Variants in CACNA1A observed in about 807,000 individuals in gnomAD.
CACNA1A encodes calcium voltage-gated channel subunit alpha1 A.
CACNA1A carries 57 observed loss-of-function variants against 262.4 expected under a neutral mutation model. That is an observed-to-expected ratio of 0.22 (90% CI 0.18 to 0.27). The LOEUF is 0.27. Ranked by LOEUF, CACNA1A falls within the 10% of genes least tolerant of loss-of-function variation. The pLI is 1.00. For synonymous variants in CACNA1A, 1,431 were observed against 1,419.3 expected (o/e 1.01, Z -0.18); for missense variants, 2,526 against 3,562.8 (o/e 0.71, Z 7.41).
At chr19:13,323,122 G>A (rs1279194065) in intron 10 of CACNA1A, among the ~76,000 whole-genome samples, 1 of 152,132 alleles carries the variant, frequency 6.6e-6, no homozygotes, top group African/African-American at 2.4e-5. Context: ...AGCTGGGCAT[G>A]GTGGCGTGTG....
chr19:13,211,750 G>T, intron 43 of CACNA1A: 1 of 285,246 alleles, frequency 3.5e-6, no homozygotes, highest in Non-Finnish European at 6.8e-6. Flanking sequence ...TGATCTTCGT[G>T]GCAGGTCTCA....
chr19:13,461,340 A>AAAAAC (rs59561044), intron 1 of CACNA1A, among the ~76,000 whole-genome samples: 27,941 of 148,030 alleles, frequency 0.19, 2,988 homozygotes, highest in South Asian at 0.32. Flanking sequence ...ACTCCGTCTC[A>AAAAAC]AAAACAAAAC....
At position 13,259,714 on chromosome 19, in the gene CACNA1A, G is replaced by A; in HGVS notation, c.4251-13C>T. 6.2e-7 allele frequency: 1 copy of A among 1,610,502 alleles called. No individual in the cohort carries two copies. The highest frequency in any genetic ancestry group is 8.5e-7 in the Non-Finnish European group (1 of 1,178,370). Reference sequence around the variant, plus strand: ...GAGGTATTTGCCTCTGCCACAGAGAGTGGGGACTGTTAGTAAATGGGAAAG... The same window carrying A: ...GAGGTATTTGCCTCTGCCACAGAGAATGGGGACTGTTAGTAAATGGGAAAG... On this transcript the variant is annotated splice_polypyrimidine_tract_variant and intron_variant, in intron 26 of 46. Coordinates refer to ENST00000360228, the MANE Select transcript of CACNA1A (RefSeq NM_001127222.2).
In CACNA1A at chr19:13,371,434, C is replaced by G. The variant is rs1487380904; in HGVS notation, c.631+254G>C. 5 of 480,758 alleles carry G rather than the reference C, an allele frequency of 1.0e-5. No homozygotes were observed. In the South Asian group the frequency reaches 1.6e-4, roughly 16 times the overall value. The allele number at this position is 480,758 out of a possible 1,614,324, so 29.8% of individuals were successfully genotyped here. ...GCTGTGAGTACTGAATGAGATCACA[C>G]GTGGTGCTTAGCATGGCTCCCGATA... On this transcript the variant is annotated intron_variant, in intron 4 of 46. Coordinates refer to ENST00000360228, the MANE Select transcript of CACNA1A (RefSeq NM_001127222.2).
At chr19:13,347,660 G>A (rs951924033) in intron 6 of CACNA1A, among the ~76,000 whole-genome samples, 2 of 152,176 alleles carry the variant, frequency 1.3e-5, no homozygotes, top group Non-Finnish European at 2.9e-5. Context: ...TTTAATGTCT[G>A]CTGTCTGCCC....
At chr19:13,474,446 A>G (rs1342105803) in intron 1 of CACNA1A, among the ~76,000 whole-genome samples, 3 of 152,176 alleles carry the variant, frequency 2.0e-5, no homozygotes, top group Non-Finnish European at 2.9e-5. Context: ...CTGATTATAA[A>G]CTCCCTGGTG....
In CACNA1A at chr19:13,455,111, C is replaced by T. The variant is rs764554276; in HGVS notation, c.395G>A (p.Arg132Gln). The T allele has an allele frequency of 6.9e-6, 11 of 1,595,698 alleles. No individual in the cohort carries two copies. The highest frequency in any genetic ancestry group is 2.2e-5 in the South Asian group (2 of 90,566). Residue 132 changes from arginine to glutamine, a missense_variant, in exon 2 of 47, where the codon CGG becomes CAG. Arg to Gln is a conservative substitution (Grantham distance 43). This residue lies in a region of CACNA1A where 77 missense variants were observed against 228.4 expected (regional missense o/e 0.34). Transcript: ENST00000360228. ...PDDDKTPMSERLDDTEPYFIG... is the reference protein window; with the variant it reads ...PDDDKTPMSEQLDDTEPYFIG... ...CTGAGAAAAGACATCACTCACCAGC[C>T]GTTCAGACATCGGGGTCTTGTCATC...
At chr19:13,344,160 G>A (rs1011066977) in intron 6 of CACNA1A, among the ~76,000 whole-genome samples, 1 of 147,022 alleles carries the variant, frequency 6.8e-6, no homozygotes, top group African/African-American at 2.5e-5. Context: ...GTTGCAGTGA[G>A]TCAAGATCAT....
intron 1 of CACNA1A, among the ~76,000 whole-genome samples, chr19:13,465,112 G>A (rs2145000515): frequency 6.6e-6 from 1 of 151,602 alleles, no homozygotes; most frequent in Middle Eastern, 3.4e-3. Context: ...GTATTTTTTA[G>A]TAGAGACATG....
chr19:13,287,858 A>C (rs2057441801), intron 19 of CACNA1A, among the ~76,000 whole-genome samples: 1 of 148,118 alleles, frequency 6.8e-6, no homozygotes, highest in Non-Finnish European at 1.5e-5. Flanking sequence ...GCTGGAGAGC[A>C]GTGGCAGGAT....
At position 13,383,392 on chromosome 19, in the gene CACNA1A, CA is replaced by C. The variant is rs575307268; in HGVS notation, c.540-11614del. ...TGGGGAAGATGGAGGAAGAAGGTTT[CA>C]AAGATCAAGAACTGGGTTGTAGACA... is the stretch of plus-strand genomic sequence containing the variant. On this transcript the variant is annotated intron_variant, in intron 3 of 46. Transcript: ENST00000360228. 7.3e-4 allele frequency among the ~76,000 whole-genome samples: 111 copies of C among 152,236 alleles called. 1 individual carries two copies. Among genetic ancestry groups the C allele is most frequent in the African/African-American group, 2.4e-3 (99 of 41,534 alleles).
Position 13,212,448 on chromosome 19 carries a change from G to C in CACNA1A, c.6125C>G (p.Thr2042Arg), listed in dbSNP as rs563345694. ...TQRAQEMFQKTGTWSPEQGPP... is the reference protein window; with the variant it reads ...TQRAQEMFQKRGTWSPEQGPP... ...GCCTTGTTCCGGACTCCATGTGCCC[G>C]TCTTCTGGAACATCTCCTGGGCACG... The change falls in exon 42 of 47, where the codon ACG becomes AGG. Residue 2042 changes from threonine (T) to arginine (R), a missense_variant. By Grantham distance (71) the Thr-to-Arg change is moderately conservative. Around this residue, in one of 17 missense-constraint regions of CACNA1A, gnomAD observed 929 missense variants for 868.1 expected, o/e 1.07. Coordinates refer to ENST00000360228, the MANE Select transcript of CACNA1A (RefSeq NM_001127222.2). The surrounding 1 kb of genome is among the most constrained non-coding windows in gnomAD (Gnocchi z 5.6). 6.2e-7 allele frequency: 1 copy of C among 1,610,832 alleles called. No homozygotes were observed. The highest frequency in any genetic ancestry group is 1.1e-5 in the South Asian group (1 of 90,488).
At chr19:13,276,900 T>C (rs553556263) in intron 23 of CACNA1A, among the ~76,000 whole-genome samples, 169 bp downstream of exon 23, 24 of 152,000 alleles carry the variant, frequency 1.6e-4, no homozygotes, top group African/African-American at 5.8e-4. Flanking sequence ...TTAGTAGAGA[T>C]GGGGTTTCAC....
intron 10 of CACNA1A, among the ~76,000 whole-genome samples, chr19:13,320,256 G>C (rs1417117901): frequency 6.6e-6 from 1 of 151,812 alleles, no homozygotes; most frequent in Non-Finnish European, 1.5e-5. Context: ...GAGAGAGAGA[G>C]AGAGAGAGAG....
At chr19:13,318,058 G>C (rs2058162831) in intron 10 of CACNA1A, among the ~76,000 whole-genome samples, 1 of 152,212 alleles carries the variant, frequency 6.6e-6, no homozygotes, top group South Asian at 2.1e-4. Context: ...TGGAATGGGA[G>C]GACTGTATGA....
chr19:13,425,935 G>A (rs1167981202), intron 3 of CACNA1A, among the ~76,000 whole-genome samples: 1 of 152,208 alleles, frequency 6.6e-6, no homozygotes, highest in Non-Finnish European at 1.5e-5. Flanking sequence ...GCACACGCCT[G>A]TAATCCCAGC....
In CACNA1A at chr19:13,385,225, TC is replaced by T. The variant is rs1171140778; in HGVS notation, c.540-13447del. 2.4e-4 allele frequency among the ~76,000 whole-genome samples: 35 copies of T among 148,354 alleles called. 1 individual carries two copies. Among genetic ancestry groups the T allele is most frequent in the Admixed American group, 1.9e-3 (28 of 14,988 alleles). On this transcript the variant is annotated intron_variant, in intron 3 of 46. Coordinates refer to ENST00000360228, the MANE Select transcript of CACNA1A (RefSeq NM_001127222.2). ...CGTAGGGCAGATATTTTCTATTCTT[TC>T]TTTCTTTTTTTTTTTTTTTTTGAGA...
chr19:13,233,858 G>A (rs1180644413), intron 34 of CACNA1A, among the ~76,000 whole-genome samples: 3 of 151,762 alleles, frequency 2.0e-5, no homozygotes, highest in South Asian at 2.1e-4. Context: ...CTGATTATTC[G>A]TCTTCCCCAT....
intron 38 of CACNA1A, among the ~76,000 whole-genome samples, chr19:13,221,923 T>G (rs1300290916): frequency 6.6e-6 from 1 of 152,116 alleles, no homozygotes; most frequent in Non-Finnish European, 1.5e-5. Context: ...ATTTTTATTT[T>G]TGAGATGGAG....
Sources: gnomAD v4.1 joint callset for allele counts (sites outside exome capture counted in the v4.1 genomes callset) on GRCh38, gnomAD v4.1.1 for gene constraint, gnomAD v4.1.1 regional missense constraint, Gnocchi (gnomAD v3.1) non-coding constraint, MANE v1.5 for transcripts, NCBI Gene and HGNC (gene_info 2026-07-23, HGNC 2026-07-21) for gene names.